HS6ST3: variants seen among roughly 807,000 people sequenced by gnomAD.
The protein encoded by HS6ST3 is heparan-sulfate 6-O-sulfotransferase 3.
Under a neutral mutation model 36.7 loss-of-function variants are expected in HS6ST3, and 12 were observed. That is an observed-to-expected ratio of 0.33 (90% CI 0.21 to 0.53). HS6ST3 has a LOEUF of 0.53. HS6ST3 is among the 20% of genes least tolerant of loss of function. HS6ST3 has a pLI of 0.95. For synonymous variants in HS6ST3, 240 were observed against 257.5 expected, an observed-to-expected ratio of 0.93 and a Z score of 0.65; for missense variants, 584 against 640.9, an observed-to-expected ratio of 0.91 and a Z score of 0.96.
intron 1 of HS6ST3, among the ~76,000 whole-genome samples, chr13:96,555,311 AT>A (rs1278264069): frequency 2.0e-5 from 3 of 152,284 alleles, no homozygotes; most frequent in East Asian, 3.9e-4. Context: ...AAATATATAC[AT>A]TTTTTATTTC....
chr13:96,175,139 A>C (rs2139336627), intron 1 of HS6ST3, among the ~76,000 whole-genome samples: 1 of 151,792 alleles, frequency 6.6e-6, no homozygotes, highest in Middle Eastern at 3.4e-3. Context: ...TTTTTTTGAA[A>C]TCCTTTATGT....
intron 1 of HS6ST3, among the ~76,000 whole-genome samples, chr13:96,196,553 C>T (rs765651007): frequency 2.0e-5 from 3 of 152,164 alleles, no homozygotes; most frequent in Non-Finnish European, 4.4e-5. Flanking sequence ...CTTCTCAAGG[C>T]CATGGGACCA....
intron 1 of HS6ST3, among the ~76,000 whole-genome samples, chr13:96,766,724 T>C (rs1480407378): frequency 6.6e-6 from 1 of 152,176 alleles, no homozygotes. Context: ...ATGAAAATAA[T>C]ACGCTCTTTG....
chr13:96,774,746 T>G (rs1057370935), intron 1 of HS6ST3, among the ~76,000 whole-genome samples: 16 of 152,094 alleles, frequency 1.1e-4, no homozygotes, highest in African/African-American at 3.6e-4. Flanking sequence ...CAACCAAGTT[T>G]GAAAACACTC....
chr13:96,674,221 C>G (rs1311543899), intron 1 of HS6ST3, among the ~76,000 whole-genome samples: 2 of 152,042 alleles, frequency 1.3e-5, no homozygotes, highest in East Asian at 3.9e-4. Flanking sequence ...TTCCCCTGCT[C>G]CCCCCATGTA....
chr13:96,785,734 A>G (rs963022035), intron 1 of HS6ST3, among the ~76,000 whole-genome samples: 2 of 152,216 alleles, frequency 1.3e-5, no homozygotes, highest in East Asian at 1.9e-4. Flanking sequence ...ACACACAAAA[A>G]GAGGCAAAGA....
At chr13:96,250,764 A>G (rs79944310) in intron 1 of HS6ST3, among the ~76,000 whole-genome samples, 4,096 of 152,306 alleles carry the variant, frequency 0.027, 76 homozygotes, top group East Asian at 0.054. Flanking sequence ...CGTACCTTCT[A>G]CACATAATTT....
At chr13:96,294,521 G>T (rs572801643) in intron 1 of HS6ST3, among the ~76,000 whole-genome samples, 30 of 152,210 alleles carry the variant, frequency 2.0e-4, no homozygotes, top group African/African-American at 7.0e-4. Flanking sequence ...CTGCTTGGGG[G>T]AATGCAAACC....
At chr13:96,765,672 CTT>C (rs1306234360) in intron 1 of HS6ST3, among the ~76,000 whole-genome samples, 2 of 151,796 alleles carry the variant, frequency 1.3e-5, no homozygotes, top group Non-Finnish European at 2.9e-5. Context: ...GTGTACCTCT[CTT>C]ATATTCACCT....
chr13:96,235,180 G>A (rs1237029162), intron 1 of HS6ST3, among the ~76,000 whole-genome samples: 3 of 152,108 alleles, frequency 2.0e-5, no homozygotes, highest in East Asian at 1.9e-4. Flanking sequence ...CCCATAGTTC[G>A]TATGATATGG....
intron 1 of HS6ST3, among the ~76,000 whole-genome samples, chr13:96,228,753 A>G (rs1028750658): frequency 1.3e-5 from 2 of 152,172 alleles, no homozygotes; most frequent in African/African-American, 4.8e-5. Context: ...CCTTCAGGGA[A>G]CTTTTCATTC....
intron 1 of HS6ST3, among the ~76,000 whole-genome samples, chr13:96,438,922 G>T (rs531529389): frequency 7.9e-5 from 12 of 152,118 alleles, no homozygotes; most frequent in Non-Finnish European, 1.5e-4. Flanking sequence ...AAAAAAATTA[G>T]TTGGGCATGG....
At chr13:96,474,852 A>G (rs984855575) in intron 1 of HS6ST3, among the ~76,000 whole-genome samples, 5 of 152,210 alleles carry the variant, frequency 3.3e-5, no homozygotes, top group African/African-American at 9.6e-5. Context: ...TTAAATTTTC[A>G]GATAAGAAAC....
At chr13:96,405,050 A>G (rs1331325638) in intron 1 of HS6ST3, among the ~76,000 whole-genome samples, 1 of 152,276 alleles carries the variant, frequency 6.6e-6, no homozygotes, top group East Asian at 1.9e-4. Flanking sequence ...GCCTCCCACC[A>G]TGATTGTGAG....
intron 1 of HS6ST3, among the ~76,000 whole-genome samples, chr13:96,199,819 G>A (rs762746800): frequency 1.3e-5 from 2 of 151,808 alleles, no homozygotes; most frequent in Non-Finnish European, 2.9e-5. Context: ...CTTAGCTAGT[G>A]TCATAGTCAA....
intron 1 of HS6ST3, among the ~76,000 whole-genome samples, chr13:96,431,225 AAACAACAACAACAACAAC>A (rs71213616): frequency 2.5e-4 from 37 of 150,434 alleles, no homozygotes; most frequent in African/African-American, 8.8e-4. Flanking sequence ...ACAAACAAAC[AAACAACAACAACAACAAC>A]AACAACAACA....
At chr13:96,348,088 T>C (rs1485876321) in intron 1 of HS6ST3, among the ~76,000 whole-genome samples, 1 of 152,232 alleles carries the variant, frequency 6.6e-6, no homozygotes, top group Non-Finnish European at 1.5e-5. Flanking sequence ...AGAGAGTTCT[T>C]ACCAATGGAA....
chr13:96,240,735 T>C (rs2054555913), intron 1 of HS6ST3, among the ~76,000 whole-genome samples: 1 of 152,212 alleles, frequency 6.6e-6, no homozygotes, highest in South Asian at 2.1e-4. Context: ...TACTTTATCC[T>C]AAACCTGGGA....
chr13:96,646,002 C>G lies in HS6ST3; in HGVS notation c.708-186488C>G, dbSNP rs1340610382. ...AAAAAAAAAAAGTTGCTACTAATAG[C>G]CAAGATGAAATTCAATAGACTTAGA... On this transcript the variant is annotated intron_variant, in intron 1 of 1. Transcript: ENST00000376705. Among the ~76,000 whole-genome samples the G allele has an allele frequency of 2.6e-5, 4 of 151,554 alleles. No individual in the cohort carries two copies. The East Asian group carries it at 7.8e-4, about 29-fold the overall frequency.
Sources: gnomAD v4.1 joint callset for allele counts (sites outside exome capture counted in the v4.1 genomes callset) on GRCh38, gnomAD v4.1.1 for gene constraint, MANE v1.5 for transcripts, NCBI Gene and HGNC (gene_info 2026-07-23, HGNC 2026-07-21) for gene names.